MGAT4C: variants seen among roughly 807,000 people sequenced by gnomAD.
MGAT4C encodes the protein alpha-1,3-mannosyl-glycoprotein 4-beta-N-acetylglucosaminyltransferase C.
A neutral mutation model predicts 40.1 loss-of-function variants in MGAT4C; 19 were observed. The ratio of observed to expected loss-of-function variants is 0.47; its 90% CI spans 0.33 to 0.70. MGAT4C has a LOEUF of 0.70. Among genes scored for constraint, MGAT4C ranks in the 30% least tolerant of loss-of-function variants. MGAT4C has a pLI of 0.02. For synonymous variants in MGAT4C, 181 were observed against 187.1 expected, an observed-to-expected ratio of 0.97 and a Z score of 0.27; for missense variants, 491 against 563.2, an observed-to-expected ratio of 0.87 and a Z score of 1.30.
chr12:86,592,514 C>T (rs1242800278), intron 2 of MGAT4C, among the ~76,000 whole-genome samples: 2 of 152,128 alleles, frequency 1.3e-5, no homozygotes, highest in African/African-American at 4.8e-5. Context: ...AGTCTCTGTA[C>T]ATCTTCCAGA....
intron 1 of MGAT4C, among the ~76,000 whole-genome samples, chr12:86,167,649 G>T (rs925223747): frequency 2.9e-4 from 21 of 72,060 alleles, no homozygotes; most frequent in African/African-American, 1.3e-3. Flanking sequence ...AGAAAGAGAG[G>T]GGCAAACTCA....
intron 1 of MGAT4C, among the ~76,000 whole-genome samples, chr12:86,058,361 T>C (rs1893603171): frequency 6.6e-6 from 1 of 152,114 alleles, no homozygotes; most frequent in African/African-American, 2.4e-5. Context: ...AATAAGATGT[T>C]CAAATTCCTC....
chr12:85,971,378 C>A lies in MGAT4C; in HGVS notation c.*7911G>T, dbSNP rs989926072. The A allele has an allele frequency of 6.6e-6, 1 of 151,062 alleles. No homozygotes were observed. The highest frequency in any genetic ancestry group is 1.5e-5 in the Non-Finnish European group (1 of 67,280). 9.4% of individuals were successfully genotyped at this position (151,062 alleles called of 1,614,324 possible). A position where few individuals can be genotyped will look rare whatever the true frequency, so the allele number is the denominator to read the frequency against. On this transcript the variant is annotated 3_prime_UTR_variant, in exon 5 of 5. Transcript: ENST00000611864. ...CAAATATTACAAAATATGTTGTTAA[C>A]TTTTCAAAGATGATCGGTTTAGATT... is the stretch of plus-strand genomic sequence containing the variant.
At chr12:86,281,884 T>C (rs1345789850) in intron 4 of MGAT4C, among the ~76,000 whole-genome samples, 2 of 152,126 alleles carry the variant, frequency 1.3e-5, no homozygotes, top group African/African-American at 4.8e-5. Flanking sequence ...ATTTCAACAA[T>C]TATATTTTCC....
At chr12:86,715,043 T>A (rs1950622137) in intron 2 of MGAT4C, among the ~76,000 whole-genome samples, 1 of 152,126 alleles carries the variant, frequency 6.6e-6, no homozygotes, top group East Asian at 1.9e-4. Context: ...ACATGGAAAC[T>A]TATCTCGTTA....
At chr12:86,612,329 C>T (rs1962310472) in intron 2 of MGAT4C, among the ~76,000 whole-genome samples, 1 of 152,132 alleles carries the variant, frequency 6.6e-6, no homozygotes, top group Non-Finnish European at 1.5e-5. Flanking sequence ...TTTCTATTAG[C>T]TAGCTGTACA....
chr12:86,400,604 T>G (rs1421976101), intron 3 of MGAT4C, among the ~76,000 whole-genome samples: 1 of 152,244 alleles, frequency 6.6e-6, no homozygotes, highest in Admixed American at 6.5e-5. Flanking sequence ...ATCTTTGAAC[T>G]GAGCTTTCAT....
intron 1 of MGAT4C, among the ~76,000 whole-genome samples, chr12:86,061,503 C>T (rs117648043): frequency 0.033 from 4,914 of 151,116 alleles, 102 homozygotes; most frequent in Middle Eastern, 0.068. Context: ...CCAGTGGTGC[C>T]TGCAACGCAA....
intron 2 of MGAT4C, among the ~76,000 whole-genome samples, chr12:86,725,590 A>G (rs1294015569): frequency 6.6e-6 from 1 of 152,092 alleles, no homozygotes; most frequent in Admixed American, 6.6e-5. Flanking sequence ...CCTCCCGAGT[A>G]GCTGGGATTA....
At chr12:86,374,220 C>G (rs1034071919) in intron 3 of MGAT4C, among the ~76,000 whole-genome samples, 2 of 151,946 alleles carry the variant, frequency 1.3e-5, no homozygotes, top group Non-Finnish European at 2.9e-5. Context: ...TATATTGAAG[C>G]AGGATTACAG....
intron 3 of MGAT4C, among the ~76,000 whole-genome samples, chr12:86,352,656 T>G (rs2136193045): frequency 6.6e-6 from 1 of 152,276 alleles, no homozygotes; most frequent in Middle Eastern, 3.4e-3. Flanking sequence ...TTCAGTTGTT[T>G]CTTAGTTGCA....
chr12:86,812,530 T>G (rs1458936932), intron 1 of MGAT4C, among the ~76,000 whole-genome samples: 1 of 152,136 alleles, frequency 6.6e-6, no homozygotes, highest in Non-Finnish European at 1.5e-5. Flanking sequence ...TAAATGGATC[T>G]TCTGTCATTA....
At chr12:86,296,296 A>C (rs1242194159) in intron 4 of MGAT4C, among the ~76,000 whole-genome samples, 1 of 151,972 alleles carries the variant, frequency 6.6e-6, no homozygotes, top group Non-Finnish European at 1.5e-5. Flanking sequence ...TAGACATAAA[A>C]ACTCTCCACG....
In MGAT4C at chr12:86,817,232, TTTTAA is replaced by T. The variant is rs1380703819; in HGVS notation, c.-262+21429_-262+21433del. 1.3e-4 allele frequency among the ~76,000 whole-genome samples: 20 copies of T among 151,554 alleles called. No individual in the cohort carries two copies. In the East Asian group the frequency reaches 2.7e-3, roughly 21 times the overall value. On this transcript the variant is annotated intron_variant, in intron 1 of 7. Transcript: ENST00000548651. ...TTTGTTGTCATTCAGTTCTACATAT[TTTTAA>T]TTTAAGTTTACATTCACTTCACTTT... is the stretch of plus-strand genomic sequence containing the variant.
intron 1 of MGAT4C, among the ~76,000 whole-genome samples, chr12:86,126,732 C>T (rs553982829): frequency 1.3e-5 from 2 of 152,280 alleles, no homozygotes; most frequent in African/African-American, 4.8e-5. Flanking sequence ...GGAATATGTT[C>T]TGAGAAAATG....
At chr12:86,656,909 T>C (rs1477200471) in intron 2 of MGAT4C, among the ~76,000 whole-genome samples, 1 of 152,090 alleles carries the variant, frequency 6.6e-6, no homozygotes, top group Non-Finnish European at 1.5e-5. Flanking sequence ...AATTTTTGTT[T>C]AAATTTAGCT....
chr12:86,517,490 A>G (rs1261073379), intron 2 of MGAT4C, among the ~76,000 whole-genome samples: 1 of 152,196 alleles, frequency 6.6e-6, no homozygotes, highest in Non-Finnish European at 1.5e-5. Flanking sequence ...TCAAATGTCT[A>G]ACAATACCAC....
chr12:86,590,098 TAAAAC>T (rs75177684), intron 2 of MGAT4C, among the ~76,000 whole-genome samples: 27 of 151,526 alleles, frequency 1.8e-4, no homozygotes, highest in South Asian at 4.2e-4. Flanking sequence ...CTGTGTGAAT[TAAAAC>T]AAAACAAAAC....
chr12:86,735,613 C>A (rs1950973638), intron 1 of MGAT4C, among the ~76,000 whole-genome samples: 1 of 151,820 alleles, frequency 6.6e-6, no homozygotes, highest in Non-Finnish European at 1.5e-5. Context: ...TTTGAATGGG[C>A]TGCCTTCTAA....
Sources: gnomAD v4.1 joint callset for allele counts (sites outside exome capture counted in the v4.1 genomes callset) on GRCh38, gnomAD v4.1.1 for gene constraint, MANE v1.5 for transcripts, NCBI Gene and HGNC (gene_info 2026-07-23, HGNC 2026-07-21) for gene names.